The following KIAA1328 variants were observed in gnomAD, a reference collection of about 807,000 sequenced individuals.
KIAA1328 encodes protein hinderin.
A neutral mutation model predicts 68.1 loss-of-function variants in KIAA1328; 52 were observed. The observed-to-expected ratio is 0.76, with a 90% CI of 0.61 to 0.96. The LOEUF (loss-of-function observed/expected upper bound fraction) is 0.96, where lower values mean the gene tolerates loss of function less well. Ranked by LOEUF, KIAA1328 falls within the 40% of genes least tolerant of loss-of-function variation. The probability of loss-of-function intolerance (pLI) is 0.00; values close to 1 mark genes in which losing one functional copy is unlikely to be tolerated. For missense variants in KIAA1328, 641 were observed against 677.6 expected, an observed-to-expected ratio of 0.95 and a Z score of 0.60; for synonymous variants, 232 against 239.4, an observed-to-expected ratio of 0.97 and a Z score of 0.28.
intron 7 of KIAA1328, among the ~76,000 whole-genome samples, chr18:37,087,666 C>T (rs761148074): frequency 2.0e-5 from 3 of 152,238 alleles, no homozygotes; most frequent in East Asian, 1.9e-4. Context: ...CAGGTAGGCA[C>T]GCTGGGGACT....
At chr18:37,036,248 C>A (rs2055022746) in intron 6 of KIAA1328, among the ~76,000 whole-genome samples, 1 of 152,196 alleles carries the variant, frequency 6.6e-6, no homozygotes, top group Admixed American at 6.5e-5. Context: ...GTTGTTACAT[C>A]CAAATTTAGA....
intron 4 of KIAA1328, among the ~76,000 whole-genome samples, chr18:36,878,163 G>A (rs146442438): frequency 6.6e-6 from 1 of 152,254 alleles, no homozygotes; most frequent in African/African-American, 2.4e-5. Flanking sequence ...GGCTGATACT[G>A]GTTTTTCCTT....
At position 37,225,079 on chromosome 18, in the gene KIAA1328, C is replaced by T. The variant is rs979625311; in HGVS notation, c.*2852C>T. On this transcript the variant is annotated 3_prime_UTR_variant, in exon 10 of 10. Transcript: ENST00000280020. ...GGGAGAGAGGGACTCTTTCTGCTCC[C>T]TCAGAGCTACTCTTCACTTGTCCCT... 48 of 985,320 alleles carry T rather than the reference C, an allele frequency of 4.9e-5. No homozygotes were observed. The highest frequency in any genetic ancestry group is 5.7e-5 in the Non-Finnish European group (47 of 829,948). 61.0% of individuals were successfully genotyped at this position (985,320 alleles called of 1,614,324 possible). A position where few individuals can be genotyped will look rare whatever the true frequency, so the allele number is the denominator to read the frequency against.
chr18:36,902,129 C>T (rs1476530767), intron 5 of KIAA1328: 3 of 151,524 alleles, frequency 2.0e-5, no homozygotes, highest in Admixed American at 1.3e-4. Flanking sequence ...CATGTGTTGC[C>T]AGACCGGACA....
Position 37,223,052 on chromosome 18 carries a change from A to T in KIAA1328, c.*825A>T, listed in dbSNP as rs999805645. ...CCCAAGTGTTCAGCTTATTCACCCC[A>T]CCCCCCCACCCCCCATCACACGTGC... On this transcript the variant is annotated 3_prime_UTR_variant, in exon 10 of 10. Coordinates refer to ENST00000280020, the MANE Select transcript of KIAA1328 (RefSeq NM_020776.3). 2.0e-5 allele frequency: 2 copies of T among 101,252 alleles called. No individual in the cohort carries two copies. The highest frequency in any genetic ancestry group is 3.9e-4 in the Admixed American group (1 of 2,590). The allele number at this position is 101,252 out of a possible 1,614,324, so 6.3% of individuals were successfully genotyped here.
At chr18:37,115,042 A>G (rs1331005370) in intron 7 of KIAA1328, among the ~76,000 whole-genome samples, 1 of 152,222 alleles carries the variant, frequency 6.6e-6, no homozygotes. Context: ...AACAAAAAAA[A>G]GTCCAGGACC....
intron 7 of KIAA1328, among the ~76,000 whole-genome samples, chr18:37,141,215 C>G (rs1311467796): frequency 6.6e-6 from 1 of 152,078 alleles, no homozygotes; most frequent in Non-Finnish European, 1.5e-5. Context: ...TATTCATCAC[C>G]CCACAAAGCA....
chr18:37,043,151 T>C (rs980180970), intron 6 of KIAA1328, among the ~76,000 whole-genome samples: 3 of 152,194 alleles, frequency 2.0e-5, no homozygotes, highest in Non-Finnish European at 1.5e-5. Context: ...GTACTTACCT[T>C]TAATTCTTAA....
intron 7 of KIAA1328, among the ~76,000 whole-genome samples, chr18:37,131,532 C>G (rs751047888): frequency 1.3e-5 from 2 of 152,040 alleles, no homozygotes; most frequent in African/African-American, 4.8e-5. Context: ...TTTAGCAACC[C>G]CCTGCGTCTA....
intron 4 of KIAA1328, among the ~76,000 whole-genome samples, chr18:36,859,398 G>C (rs2047483849): frequency 1.4e-5 from 2 of 147,166 alleles, no homozygotes; most frequent in Non-Finnish European, 3.0e-5. Context: ...CATATATATT[G>C]GCATAAAGTT....
chr18:36,877,497 G>A (rs1252575704), intron 4 of KIAA1328, among the ~76,000 whole-genome samples: 2 of 146,016 alleles, frequency 1.4e-5, no homozygotes, highest in African/African-American at 2.6e-5. Flanking sequence ...GCAACCCCTG[G>A]TGGGTTTTTT....
chr18:36,862,154 A>G (rs2047585384), intron 4 of KIAA1328, among the ~76,000 whole-genome samples: 1 of 152,244 alleles, frequency 6.6e-6, no homozygotes, highest in South Asian at 2.1e-4. Context: ...TTTTGATTAC[A>G]GTACAATATC....
At chr18:37,006,775 T>C (rs776640107) in intron 6 of KIAA1328, among the ~76,000 whole-genome samples, 3 of 152,158 alleles carry the variant, frequency 2.0e-5, no homozygotes, top group Non-Finnish European at 4.4e-5. Context: ...TTCTGTAAAT[T>C]TGTAACCTTC....
intron 7 of KIAA1328, among the ~76,000 whole-genome samples, chr18:37,127,792 G>A (rs2058428994): frequency 6.6e-6 from 1 of 152,022 alleles, no homozygotes; most frequent in South Asian, 2.1e-4. Flanking sequence ...TTTTTATAAA[G>A]AACACACTAC....
At position 37,117,505 on chromosome 18, in the gene KIAA1328, A is replaced by G. The variant is rs2058146621; in HGVS notation, c.1233-42695A>G. Among the ~76,000 whole-genome samples the G allele has an allele frequency of 2.0e-5, 3 of 152,178 alleles. No individual in the cohort carries two copies. In the South Asian group the frequency reaches 6.2e-4, roughly 32 times the overall value. ...CTGGGGCCTGTCATGGGATTGGGGG[A>G]GGGAGGAGGGATAGCATTAGGAGAT... On this transcript the variant is annotated intron_variant, in intron 7 of 9. Transcript: ENST00000280020.
intron 7 of KIAA1328, among the ~76,000 whole-genome samples, chr18:37,152,674 G>A (rs2059062493): frequency 6.6e-6 from 1 of 152,024 alleles, no homozygotes; most frequent in Admixed American, 6.6e-5. Flanking sequence ...GGAGTAGGCT[G>A]GTAAAGGATG....
At position 37,092,883 on chromosome 18, in the gene KIAA1328, G is replaced by A. The variant is rs935611753; in HGVS notation, c.1232+25338G>A. On this transcript the variant is annotated intron_variant, in intron 7 of 9. Transcript: ENST00000280020. ...ACTAGAACAAGCCACTTGGATGCTC[G>A]AGGTATGGCCTGCTTAGACCTGCCA... 4.6e-5 allele frequency among the ~76,000 whole-genome samples: 7 copies of A among 152,206 alleles called. No homozygotes were observed. In the East Asian group the frequency reaches 9.7e-4, roughly 21 times the overall value.
chr18:37,023,208 T>C (rs2054415467), intron 6 of KIAA1328, among the ~76,000 whole-genome samples: 1 of 151,994 alleles, frequency 6.6e-6, no homozygotes, highest in African/African-American at 2.4e-5. Flanking sequence ...CTTCTGTATT[T>C]TATTTTATTT....
chr18:36,977,146 A>G (rs530851799), intron 6 of KIAA1328, among the ~76,000 whole-genome samples: 9 of 152,308 alleles, frequency 5.9e-5, no homozygotes, highest in South Asian at 2.1e-4. Context: ...TGTCTCCCCA[A>G]TTACAGCACT....
Sources: gnomAD v4.1 joint callset for allele counts (sites outside exome capture counted in the v4.1 genomes callset) on GRCh38, gnomAD v4.1.1 for gene constraint, MANE v1.5 for transcripts, NCBI Gene and HGNC (gene_info 2026-07-23, HGNC 2026-07-21) for gene names.